Variants in NUP88 observed in about 807,000 individuals in gnomAD.
NUP88 encodes nuclear pore complex protein Nup88.
A neutral mutation model predicts 93.9 loss-of-function variants in NUP88; 57 were observed. The ratio of observed to expected loss-of-function variants is 0.61; its 90% CI spans 0.49 to 0.76. The LOEUF is 0.76. Ranked by LOEUF, NUP88 falls within the 30% of genes least tolerant of loss-of-function variation. NUP88 has a pLI of 0.00. For synonymous variants in NUP88, 346 were observed against 336.8 expected, an observed-to-expected ratio of 1.03 and a Z score of -0.30; for missense variants, 911 against 901.0, an observed-to-expected ratio of 1.01 and a Z score of -0.14.
rs775555017 is a variant in NUP88 at position 5,419,523 on chromosome 17, G to T, written c.128C>A (p.Ala43Asp). ...CGGCGACGAAGGCAACGACGAAGAA[G>T]CTGGTTTCTCAGCTTCGGTTGGACT... ...NQSPTEAEKPASSSLPSSPPP... is the reference protein window; with the variant it reads ...NQSPTEAEKPDSSSLPSSPPP... Residue 43 changes from alanine to aspartate, a missense_variant, in exon 1 of 17, where the codon GCT becomes GAT. Coordinates refer to ENST00000573584, the MANE Select transcript of NUP88 (RefSeq NM_002532.6). The T allele has an allele frequency of 1.4e-5, 22 of 1,613,944 alleles. 1 individual carries two copies. In the South Asian group the frequency reaches 2.3e-4, roughly 17 times the overall value.
At position 5,414,023 on chromosome 17, in the gene NUP88, T is replaced by C. The variant is rs1285382714; in HGVS notation, c.579A>G (p.Ser193=). The C allele has an allele frequency of 1.9e-6, 3 of 1,613,704 alleles. No individual in the cohort carries two copies. Among genetic ancestry groups the C allele is most frequent in the East Asian group, 2.2e-5 (1 of 44,882 alleles). ...ILDPHVVLLT[S]DNVIRIYSLR... Reference sequence around the variant, plus strand: ...ATAAAATTTACCTGATTACGTTGTCTGATGTTAACAGCACTACGTGGGGAT... The same window carrying C: ...ATAAAATTTACCTGATTACGTTGTCCGATGTTAACAGCACTACGTGGGGAT... Residue 193 remains serine (S), a synonymous_variant, in exon 3 of 17, where the codon TCA becomes TCG. Coordinates refer to ENST00000573584, the MANE Select transcript of NUP88 (RefSeq NM_002532.6).
At position 5,385,015 on chromosome 17, in the gene NUP88, T is replaced by C. The variant is rs1036644465; in HGVS notation, c.*1191A>G. 6 of 228,826 alleles carry C rather than the reference T, an allele frequency of 2.6e-5. No homozygotes were observed. The highest frequency in any genetic ancestry group is 1.3e-4 in the African/African-American group (6 of 45,108). The allele number at this position is 228,826 out of a possible 1,614,324, so 14.2% of individuals were successfully genotyped here. ...GACTGAACTAGAGCTTGCAGTGAAG[T>C]GTTCTGCTGAGACTGAGCACCTTAC... On this transcript the variant is annotated 3_prime_UTR_variant, in exon 17 of 17. Transcript: ENST00000573584.
At chr17:5,387,188 A>C in intron 14 of NUP88, 78 bp from the exon 15 acceptor site, 1 of 1,519,908 alleles carries the variant, frequency 6.6e-7, no homozygotes. Context: ...CTCATAATTC[A>C]TGAATCTGGT....
Position 5,385,968 on chromosome 17 carries a change from TG to T in NUP88, c.*237del, listed in dbSNP as rs1324392783. The stretch of plus-strand genomic sequence containing the variant: ...TCAGGGAGGTTCTGGCAGTGTGCAG[TG>T]TGAAATAATCCTGAGTCCTTGCTGA... On this transcript the variant is annotated 3_prime_UTR_variant, in exon 17 of 17. Transcript: ENST00000573584. 1 of 467,702 alleles carries T rather than the reference TG, an allele frequency of 2.1e-6. No homozygotes were observed. Among genetic ancestry groups the T allele is most frequent in the Non-Finnish European group, 3.7e-6 (1 of 267,456 alleles). The allele number at this position is 467,702 out of a possible 1,614,324, so 29.0% of individuals were successfully genotyped here.
intron 5 of NUP88, among the ~76,000 whole-genome samples, chr17:5,406,380 G>A (rs550451332): frequency 2.7e-4 from 41 of 152,268 alleles, no homozygotes; most frequent in African/African-American, 9.1e-4. Context: ...GGAAGGCAAC[G>A]GCAAAATAGC....
intron 4 of NUP88, 119 bp from the exon 5 acceptor site, chr17:5,409,028 T>C (rs750856736): frequency 2.6e-6 from 2 of 774,792 alleles, no homozygotes; most frequent in Non-Finnish European, 4.0e-6. Flanking sequence ...TGTATGGAAT[T>C]TGTAGGCAAT....
intron 2 of NUP88, among the ~76,000 whole-genome samples, chr17:5,414,980 A>T (rs1310410687): frequency 2.0e-5 from 3 of 150,548 alleles, no homozygotes; most frequent in Non-Finnish European, 4.4e-5. Context: ...ATAAATAAAT[A>T]ATTTATTTAT....
At chr17:5,395,538 A>AT (rs750223599) in intron 8 of NUP88, among the ~76,000 whole-genome samples, 3 of 150,456 alleles carry the variant, frequency 2.0e-5, no homozygotes, top group Non-Finnish European at 1.5e-5. Flanking sequence ...TAACAGCTTT[A>AT]TTTTTTTTTG....
At position 5,404,198 on chromosome 17, in the gene NUP88, C is replaced by T. The variant is rs1256518931; in HGVS notation, c.1093G>A (p.Val365Met). Residue 365 changes from valine (V) to methionine (M), a missense_variant, in exon 7 of 17, where the codon GTG becomes ATG. By Grantham distance (21) the Val-to-Met change is conservative. Coordinates refer to ENST00000573584, the MANE Select transcript of NUP88 (RefSeq NM_002532.6). ...SRIDLIPSLY[V>M]FECVELELAL... ...AGCTCCAACTCAACACATTCAAACA[C>T]ATACAGAGAAGGAATGAGGTCAATC... 6.2e-7 allele frequency: 1 copy of T among 1,614,082 alleles called. No individual in the cohort carries two copies. The highest frequency in any genetic ancestry group is 1.1e-5 in the South Asian group (1 of 91,082).
In NUP88 at chr17:5,393,000, T is replaced by C. The variant is rs539961550; in HGVS notation, c.1383-1338A>G. 2.8e-4 allele frequency among the ~76,000 whole-genome samples: 42 copies of C among 152,204 alleles called. 1 individual carries two copies. In the South Asian group the frequency reaches 5.6e-3, roughly 20 times the overall value. ...CGGAGTCTCACTCTGTTGCCCAGGC[T>C]GGAGTGCAGTGACATGATCTTGGCT... On this transcript the variant is annotated intron_variant, in intron 9 of 16. Transcript: ENST00000573584.
intron 6 of NUP88, among the ~76,000 whole-genome samples, chr17:5,404,471 G>A (rs866158993): frequency 2.0e-5 from 3 of 152,060 alleles, no homozygotes; most frequent in South Asian, 2.1e-4. Flanking sequence ...GAAATCAGCC[G>A]GGCGTGGTGG....
intron 3 of NUP88, among the ~76,000 whole-genome samples, chr17:5,411,657 AT>A (rs57089944): frequency 0.44 from 65,909 of 151,142 alleles, 15,164 homozygotes; most frequent in East Asian, 0.84. Flanking sequence ...ATAATACTGA[AT>A]TTTTTTAACC....
chr17:5,397,988 T>G (rs1027339057), intron 8 of NUP88, among the ~76,000 whole-genome samples: 1 of 150,342 alleles, frequency 6.7e-6, no homozygotes, highest in Non-Finnish European at 1.5e-5. Flanking sequence ...AATACAGCAG[T>G]CTCTACCTCC....
At chr17:5,403,658 TCAACAA>T (rs55871021) in intron 7 of NUP88, among the ~76,000 whole-genome samples, 4 of 150,298 alleles carry the variant, frequency 2.7e-5, no homozygotes, top group African/African-American at 4.9e-5. Flanking sequence ...AGACACCATC[TCAACAA>T]CAACAACAAC....
intron 5 of NUP88, among the ~76,000 whole-genome samples, chr17:5,406,527 T>C (rs1158411859): frequency 6.6e-6 from 1 of 152,036 alleles, no homozygotes; most frequent in Non-Finnish European, 1.5e-5. Flanking sequence ...TACAAATCAG[T>C]CTGGTATTAG....
At chr17:5,416,290 G>A (rs1401203578) in intron 2 of NUP88, among the ~76,000 whole-genome samples, 2 of 151,316 alleles carry the variant, frequency 1.3e-5, no homozygotes, top group Non-Finnish European at 2.9e-5. Flanking sequence ...TCGAAAGAAT[G>A]GCCTAGCCTC....
chr17:5,396,942 G>A lies in NUP88; in HGVS notation c.1292-1961C>T, dbSNP rs78678757. Among the ~76,000 whole-genome samples the A allele has an allele frequency of 8.8e-3, 1,337 of 152,154 alleles. 26 individuals are homozygous for A. Among genetic ancestry groups the A allele is most frequent in the African/African-American group, 0.031 (1,272 of 41,484 alleles). ...TGCCCAACTGTATCAAATGCTAAGG[G>A]TTCTTTATATTGTTCTCCATACGAG... On this transcript the variant is annotated intron_variant, in intron 8 of 16. Coordinates refer to ENST00000573584, the MANE Select transcript of NUP88 (RefSeq NM_002532.6).
intron 10 of NUP88, among the ~76,000 whole-genome samples, chr17:5,389,812 T>C (rs1163664753): frequency 7.2e-6 from 1 of 138,908 alleles, no homozygotes; most frequent in Non-Finnish European, 1.5e-5. Context: ...GTTCATGAAA[T>C]AGCATAACTT....
At chr17:5,402,345 C>T (rs1007028658) in intron 7 of NUP88, among the ~76,000 whole-genome samples, 15 of 151,806 alleles carry the variant, frequency 9.9e-5, no homozygotes, top group African/African-American at 3.6e-4. Flanking sequence ...AAAAACAAAA[C>T]CCAAGAACAA....
Sources: allele counts gnomAD v4.1 joint callset (sites outside exome capture counted in the v4.1 genomes callset), GRCh38; gene constraint gnomAD v4.1.1; transcripts MANE v1.5; gene names NCBI Gene and HGNC (gene_info 2026-07-23, HGNC 2026-07-21).